MINDY2: variants seen among roughly 807,000 people sequenced by gnomAD.
MINDY2 encodes the protein ubiquitin carboxyl-terminal hydrolase MINDY-2.
In MINDY2, 52 loss-of-function variants were observed where a neutral mutation model predicts 68.2. The ratio of observed to expected loss-of-function variants is 0.76; its 90% CI spans 0.61 to 0.96. The LOEUF is 0.96. Ranked by LOEUF, MINDY2 falls within the 40% of genes least tolerant of loss-of-function variation. The pLI, the probability that MINDY2 is intolerant of heterozygous loss-of-function variation, is 0.00. For missense variants in MINDY2, 881 were observed against 773.4 expected (o/e 1.14, Z -1.65); for synonymous variants, 372 against 303.0 (o/e 1.23, Z -2.36).
rs1901846983 is a variant in MINDY2 at position 58,790,976 on chromosome 15, G to A, written c.898+3013G>A. On this transcript the variant is annotated intron_variant, in intron 2 of 8. Transcript: ENST00000559228. ...AGGCAGATCATGAGGTCAGGAGATC[G>A]AGACCATACTGGCTAACACGGTGAA... Among the ~76,000 whole-genome samples, 9 of 151,778 alleles carry A rather than the reference G, an allele frequency of 5.9e-5. No homozygotes were observed. In the South Asian group the frequency reaches 1.7e-3, roughly 28 times the overall value.
At chr15:58,796,427 A>G (rs1902289037) in intron 2 of MINDY2, among the ~76,000 whole-genome samples, 1 of 152,246 alleles carries the variant, frequency 6.6e-6, no homozygotes, top group Admixed American at 6.5e-5. Context: ...GTGGCAAGAC[A>G]GTCTTGTGAG....
intron 7 of MINDY2, among the ~76,000 whole-genome samples, chr15:58,851,527 C>T (rs1176189170): frequency 1.3e-5 from 2 of 152,144 alleles, no homozygotes; most frequent in Admixed American, 6.5e-5. Context: ...TAACCTCAAA[C>T]TCCTGGGCTG....
intron 3 of MINDY2, among the ~76,000 whole-genome samples, chr15:58,803,969 A>G (rs1467104286): frequency 4.9e-4 from 65 of 133,526 alleles, no homozygotes; most frequent in African/African-American, 1.8e-3. Context: ...AAAAAAAAAA[A>G]TACAAAAAAT....
At chr15:58,842,000 CCTT>C (rs2032311213) in intron 6 of MINDY2, among the ~76,000 whole-genome samples, 1 of 151,852 alleles carries the variant, frequency 6.6e-6, no homozygotes, top group African/African-American at 2.4e-5. Flanking sequence ...TTATGGCCCT[CCTT>C]CACCACCCTC....
chr15:58,824,617 G>A lies in MINDY2; in HGVS notation c.1225+2798G>A, dbSNP rs552395731. The stretch of plus-strand genomic sequence containing the variant: ...AAGAAATCATGGAAAATAAAAGACC[G>A]TAATAGACATTTTTACTTACTTTGC... On this transcript the variant is annotated intron_variant, in intron 5 of 8. Coordinates refer to ENST00000559228, the MANE Select transcript of MINDY2 (RefSeq NM_001040450.3). Among the ~76,000 whole-genome samples the A allele has an allele frequency of 3.2e-4, 48 of 151,054 alleles. 3 individuals are homozygous for A. In the South Asian group the frequency reaches 7.7e-3, roughly 24 times the overall value.
At position 58,831,041 on chromosome 15, in the gene MINDY2, G is replaced by GTGTGTGTATATATATATA. The variant is rs565786025; in HGVS notation, c.1226-732_1226-731insGTGTGTATATATATATAT. On this transcript the variant is annotated intron_variant, in intron 5 of 8. Transcript: ENST00000559228. ...TGTGTGTGTGTGTGTGTGTGTGTGT[G>GTGTGTGTATATATATATA]TATATATATATATATATATGTTTTA... 1.1e-3 allele frequency among the ~76,000 whole-genome samples: 133 copies of GTGTGTGTATATATATATA among 124,902 alleles called. 1 individual carries two copies. Among genetic ancestry groups the GTGTGTGTATATATATATA allele is most frequent in the African/African-American group, 2.8e-3 (82 of 29,196 alleles). The allele number at this position is 124,902 out of a possible 152,430, so 81.9% of individuals were successfully genotyped here.
chr15:58,795,792 C>G (rs568648551), intron 2 of MINDY2, among the ~76,000 whole-genome samples: 1 of 151,828 alleles, frequency 6.6e-6, no homozygotes, highest in African/African-American at 2.4e-5. Flanking sequence ...TTTGGCCACC[C>G]TCCCTCCTGC....
rs981780323 is a variant in MINDY2, at chr15:58,852,654, A to G, written c.1737+689A>G. 9.2e-5 allele frequency among the ~76,000 whole-genome samples: 14 copies of G among 152,080 alleles called. No homozygotes were observed. In the East Asian group the frequency reaches 2.1e-3, roughly 23 times the overall value. Reference sequence around the variant, plus strand: ...TGCAACCTCTTGGATGACGTCCTCTACCTCTCTTAGCCTCATTTTCCCTAT... The same window carrying G: ...TGCAACCTCTTGGATGACGTCCTCTGCCTCTCTTAGCCTCATTTTCCCTAT... On this transcript the variant is annotated intron_variant, in intron 8 of 8. Coordinates refer to ENST00000559228, the MANE Select transcript of MINDY2 (RefSeq NM_001040450.3).
chr15:58,825,220 A>G (rs774704093), intron 5 of MINDY2, among the ~76,000 whole-genome samples: 16 of 152,354 alleles, frequency 1.1e-4, no homozygotes, highest in Non-Finnish European at 2.4e-4. Context: ...GGGAAAAGAA[A>G]TGTTATTTAG....
At position 58,782,911 on chromosome 15, in the gene MINDY2, G is replaced by GTTT. The variant is rs1157376592; in HGVS notation, c.841-4971_841-4969dup. 4.0e-3 allele frequency among the ~76,000 whole-genome samples: 260 copies of GTTT among 64,492 alleles called. 54 individuals are homozygous for GTTT. Among genetic ancestry groups the GTTT allele is most frequent in the African/African-American group, 9.4e-3 (159 of 16,854 alleles). 42.3% of individuals were successfully genotyped at this position (64,492 alleles called of 152,430 possible). A position where few individuals can be genotyped will look rare whatever the true frequency, so the allele number is the denominator to read the frequency against. ...TCAATATATTTAATTTTTTCTCTCT[G>GTTT]TTTTTTTTTTTTTTTTTTTTTTTTT... On this transcript the variant is annotated intron_variant, in intron 1 of 8. Coordinates refer to ENST00000559228, the MANE Select transcript of MINDY2 (RefSeq NM_001040450.3).
intron 8 of MINDY2, among the ~76,000 whole-genome samples, chr15:58,853,743 C>T (rs1294796477): frequency 1.3e-5 from 2 of 148,930 alleles, no homozygotes; most frequent in African/African-American, 2.5e-5. Flanking sequence ...ATCGCTTGAA[C>T]CTGGGAGGCA....
chr15:58,835,042 G>C (rs1440208942), intron 6 of MINDY2, among the ~76,000 whole-genome samples: 1 of 152,126 alleles, frequency 6.6e-6, no homozygotes, highest in Admixed American at 6.5e-5. Flanking sequence ...GACCTCTCAA[G>C]TCTAGGATTT....
chr15:58,835,847 T>C (rs2031968281), intron 6 of MINDY2, among the ~76,000 whole-genome samples: 1 of 152,230 alleles, frequency 6.6e-6, no homozygotes, highest in South Asian at 2.1e-4. Context: ...GTAAAAGGAA[T>C]GAAGAAAGGC....
At chr15:58,821,567 G>T in intron 4 of MINDY2, 150 bp from the exon 5 acceptor site, 1 of 320,512 alleles carries the variant, frequency 3.1e-6, no homozygotes. Context: ...GAAACTGTTG[G>T]GTGTTGATTT....
chr15:58,850,750 A>G (rs2032769843), intron 7 of MINDY2, among the ~76,000 whole-genome samples: 2 of 151,832 alleles, frequency 1.3e-5, no homozygotes, highest in Non-Finnish European at 2.9e-5. Flanking sequence ...ATGCCCAGCT[A>G]ATTTTTTTGT....
At chr15:58,789,153 C>T (rs573107704) in intron 2 of MINDY2, among the ~76,000 whole-genome samples, 14 of 152,280 alleles carry the variant, frequency 9.2e-5, no homozygotes, top group African/African-American at 2.2e-4. Flanking sequence ...CTGGCTAACA[C>T]GGTGAAACTC....
chr15:58,833,183 C>T (rs1016199398), intron 6 of MINDY2, among the ~76,000 whole-genome samples: 3 of 152,052 alleles, frequency 2.0e-5, no homozygotes, highest in South Asian at 2.1e-4. Flanking sequence ...AGTAATATAC[C>T]GAAAATGTTC....
chr15:58,806,637 G>A (rs187384609), intron 3 of MINDY2, among the ~76,000 whole-genome samples: 3 of 152,038 alleles, frequency 2.0e-5, no homozygotes, highest in Non-Finnish European at 4.4e-5. Flanking sequence ...ATAAGCATGA[G>A]CCCAGAGCCA....
intron 6 of MINDY2, among the ~76,000 whole-genome samples, chr15:58,840,767 C>T (rs1451406495): frequency 1.3e-5 from 2 of 148,546 alleles, no homozygotes; most frequent in Non-Finnish European, 3.0e-5. Context: ...TGCCATTCTC[C>T]TGCCTCAGCC....
Sources: gnomAD v4.1 joint callset for allele counts (sites outside exome capture counted in the v4.1 genomes callset) on GRCh38, gnomAD v4.1.1 for gene constraint, MANE v1.5 for transcripts, NCBI Gene and HGNC (gene_info 2026-07-23, HGNC 2026-07-21) for gene names.